Variants in CUL1 observed in about 807,000 individuals in gnomAD.
The protein encoded by CUL1 is cullin-1.
In CUL1, 24 loss-of-function variants were observed where a neutral mutation model predicts 118.0. The ratio of observed to expected loss-of-function variants is 0.20; its 90% CI spans 0.15 to 0.29. The LOEUF (loss-of-function observed/expected upper bound fraction) is 0.29, where lower values mean the gene tolerates loss of function less well. Among genes scored for constraint, CUL1 ranks in the 10% least tolerant of loss-of-function variants. The pLI, the probability that CUL1 is intolerant of heterozygous loss-of-function variation, is 1.00. For synonymous variants in CUL1, 332 were observed against 340.4 expected (o/e 0.98, Z 0.27); for missense variants, 361 against 933.8 (o/e 0.39, Z 7.99).
intron 9 of CUL1, among the ~76,000 whole-genome samples, chr7:148,771,815 A>G (rs1800223180): frequency 6.6e-6 from 1 of 152,202 alleles, no homozygotes; most frequent in African/African-American, 2.4e-5. Context: ...TTGGGAATGT[A>G]TCAAAAAATA....
At chr7:148,785,081 T>G (rs998523842) in intron 11 of CUL1, among the ~76,000 whole-genome samples, 4 of 152,176 alleles carry the variant, frequency 2.6e-5, no homozygotes, top group Non-Finnish European at 5.9e-5. Flanking sequence ...TGGGAAAACA[T>G]TTGATGAAGG....
chr7:148,742,659 G>T (rs243499), intron 2 of CUL1, among the ~76,000 whole-genome samples: 44,524 of 146,340 alleles, frequency 0.3, 7,496 homozygotes, highest in South Asian at 0.45. Flanking sequence ...CTGGAGTGCA[G>T]TGCATGTTCT....
chr7:148,797,145 A>G (rs1801227944), intron 17 of CUL1, among the ~76,000 whole-genome samples: 1 of 152,120 alleles, frequency 6.6e-6, no homozygotes, highest in South Asian at 2.1e-4. Context: ...GCAAGTTGAC[A>G]AGGTCGCCTG....
chr7:148,701,917 G>A (rs1275870185), intron 1 of CUL1, among the ~76,000 whole-genome samples: 1 of 152,172 alleles, frequency 6.6e-6, no homozygotes, highest in Non-Finnish European at 1.5e-5. Flanking sequence ...GGAATAAAAT[G>A]TCTTTGGGGG....
intron 11 of CUL1, among the ~76,000 whole-genome samples, chr7:148,785,687 C>T (rs1800792843): frequency 6.6e-6 from 1 of 151,896 alleles, no homozygotes; most frequent in African/African-American, 2.4e-5. Flanking sequence ...TATCCTTTGT[C>T]TTTTCATAAA....
intron 1 of CUL1, among the ~76,000 whole-genome samples, chr7:148,725,209 A>ACGCGCG (rs1459869213): frequency 3.1e-4 from 43 of 140,458 alleles, no homozygotes; most frequent in South Asian, 2.6e-3. Flanking sequence ...ACACACACAC[A>ACGCGCG]CACGCGCGCG....
At chr7:148,786,898 T>C (rs927359163) in intron 12 of CUL1, 91 bp from the exon 13 acceptor site, 57 of 1,515,072 alleles carry the variant, frequency 3.8e-5, no homozygotes, top group Admixed American at 5.9e-5. Context: ...AGGCACATCT[T>C]GGCTCCTGGC....
intron 2 of CUL1, among the ~76,000 whole-genome samples, chr7:148,737,734 G>A (rs1799006714): frequency 6.6e-6 from 1 of 151,846 alleles, no homozygotes; most frequent in African/African-American, 2.4e-5. Context: ...CCGAGTGGCT[G>A]GGATTACAGG....
intron 1 of CUL1, among the ~76,000 whole-genome samples, chr7:148,715,533 T>C (rs1401511723): frequency 1.3e-5 from 2 of 152,186 alleles, no homozygotes; most frequent in Admixed American, 6.5e-5. Flanking sequence ...TTATATATTC[T>C]GTCTCTTGCA....
intron 9 of CUL1, among the ~76,000 whole-genome samples, chr7:148,782,911 G>A (rs1245257674): frequency 2.0e-5 from 3 of 152,164 alleles, no homozygotes; most frequent in African/African-American, 7.2e-5. Flanking sequence ...CTTCCCAGCC[G>A]GGCTCCCTCG....
At chr7:148,799,250 T>A in intron 20 of CUL1, 25 bp from the exon 21 acceptor site, 1 of 1,575,572 alleles carries the variant, frequency 6.3e-7, no homozygotes, top group African/African-American at 1.3e-5. Context: ...TAAATGCACT[T>A]CTTTTTCCTT....
At chr7:148,700,886 A>C (rs1439371411) in intron 1 of CUL1, among the ~76,000 whole-genome samples, 1 of 151,758 alleles carries the variant, frequency 6.6e-6, no homozygotes, top group African/African-American at 2.4e-5. Context: ...AGCCAGCCCC[A>C]CCCCCCACTC....
chr7:148,798,517 T>C (rs1801283084), intron 19 of CUL1, 55 bp from the exon 20 acceptor site: 1 of 1,353,920 alleles, frequency 7.4e-7, no homozygotes, highest in African/African-American at 1.4e-5. Flanking sequence ...GAAAGCAGCC[T>C]TCACTGCCTA....
intron 1 of CUL1, among the ~76,000 whole-genome samples, chr7:148,709,413 T>C (rs1359905676): frequency 6.6e-6 from 1 of 152,246 alleles, no homozygotes; most frequent in Admixed American, 6.5e-5. Flanking sequence ...GTTTGTGAGA[T>C]TCAAGTCCTC....
At chr7:148,701,072 C>G (rs1403821673) in intron 1 of CUL1, among the ~76,000 whole-genome samples, 1 of 152,148 alleles carries the variant, frequency 6.6e-6, no homozygotes, top group Non-Finnish European at 1.5e-5. Flanking sequence ...ATTCCTCCAG[C>G]GCAGGAGATA....
chr7:148,799,464 T>G (rs1801316706), intron 21 of CUL1, 76 bp downstream of exon 21: 1 of 968,568 alleles, frequency 1.0e-6, no homozygotes, highest in African/African-American at 1.6e-5. Flanking sequence ...GTGGATTGAT[T>G]GCTGTAGCAT....
At chr7:148,796,368 C>T (rs1450964935) in intron 17 of CUL1, among the ~76,000 whole-genome samples, 4 of 151,990 alleles carry the variant, frequency 2.6e-5, no homozygotes, top group South Asian at 4.1e-4. Flanking sequence ...TTTAGCTTGC[C>T]GGTATTTTCT....
At position 148,798,749 on chromosome 7, in the gene CUL1, G is replaced by C. The variant is rs1056157712; in HGVS notation, c.2136+72G>C. 3.4e-6 allele frequency: 4 copies of C among 1,181,304 alleles called. No homozygotes were observed. In the African/African-American group the frequency reaches 4.5e-5, roughly 13 times the overall value. The allele number at this position is 1,181,304 out of a possible 1,614,324, so 73.2% of individuals were successfully genotyped here. A position where few individuals can be genotyped will look rare whatever the true frequency, so the allele number is the denominator to read the frequency against. Reference sequence around the variant, plus strand: ...GGATGGCTCGCAAGGACGGGCCGTGGGGGGTAGGCGGGGGTGACAAAGGAG... The same window carrying C: ...GGATGGCTCGCAAGGACGGGCCGTGCGGGGTAGGCGGGGGTGACAAAGGAG... On this transcript the variant is annotated intron_variant, in intron 20 of 21. Transcript: ENST00000325222.
chr7:148,724,713 G>A (rs183297870), intron 1 of CUL1, among the ~76,000 whole-genome samples: 1 of 152,274 alleles, frequency 6.6e-6, no homozygotes, highest in Non-Finnish European at 1.5e-5. Flanking sequence ...TCAGGAGGTG[G>A]CACATCTGCA....
Sources: allele counts gnomAD v4.1 joint callset (sites outside exome capture counted in the v4.1 genomes callset), GRCh38; gene constraint gnomAD v4.1.1; transcripts MANE v1.5; gene names NCBI Gene and HGNC (gene_info 2026-07-23, HGNC 2026-07-21).